MEGF10: variants seen among roughly 807,000 people sequenced by gnomAD.
The protein encoded by MEGF10 is multiple epidermal growth factor-like domains protein 10.
Under a neutral mutation model 147.5 loss-of-function variants are expected in MEGF10, and 86 were observed. The ratio of observed to expected loss-of-function variants is 0.58; its 90% CI spans 0.49 to 0.70. MEGF10 has a LOEUF of 0.70. Among genes scored for constraint, MEGF10 ranks in the 30% least tolerant of loss-of-function variants. The probability of loss-of-function intolerance (pLI) is 0.00; values close to 1 mark genes in which losing one functional copy is unlikely to be tolerated. For synonymous variants in MEGF10, 478 were observed against 525.5 expected, an observed-to-expected ratio of 0.91 and a Z score of 1.24; for missense variants, 1,329 against 1,487.3, an observed-to-expected ratio of 0.89 and a Z score of 1.75.
At chr5:127,325,543 C>T (rs1398131021) in intron 1 of MEGF10, among the ~76,000 whole-genome samples, 1 of 152,046 alleles carries the variant, frequency 6.6e-6, no homozygotes, top group Non-Finnish European at 1.5e-5. Context: ...GTAGGTAGGG[C>T]CACGTCTCTG....
chr5:127,359,490 A>G (rs78699609), intron 4 of MEGF10, among the ~76,000 whole-genome samples: 2,647 of 152,254 alleles, frequency 0.017, 65 homozygotes, highest in Middle Eastern at 0.095. Context: ...GTGAACCTAT[A>G]CATCACATAC....
intron 4 of MEGF10, among the ~76,000 whole-genome samples, chr5:127,342,019 G>A (rs966042416): frequency 1.3e-5 from 2 of 152,182 alleles, no homozygotes; most frequent in African/African-American, 4.8e-5. Context: ...ATACCCACCA[G>A]CAGTAAATGA....
Position 127,459,403 on chromosome 5 carries a change from C to T in MEGF10, c.*2085C>T, listed in dbSNP as rs535160870. ...TAGTTAACCACTGGCTGGCTCCCAA[C>T]TCTAGGTGATAGGCATCTAATTGAG... On this transcript the variant is annotated 3_prime_UTR_variant, in exon 25 of 25. Transcript: ENST00000503335. The T allele has an allele frequency of 6.6e-6, 1 of 152,302 alleles. No homozygotes were observed. Among genetic ancestry groups the T allele is most frequent in the African/African-American group, 2.4e-5 (1 of 41,548 alleles). The allele number at this position is 152,302 out of a possible 1,614,324, so 9.4% of individuals were successfully genotyped here.
chr5:127,457,145 G>T lies in MEGF10; in HGVS notation c.3250G>T (p.Val1084Phe). ...TATCACAGAACCTACAGTGAGTGTT[G>T]TCCAAGGAGTATTCAGCAATAATGG... ...VYEVEPTVSV[V>F]QGVFSNNGRL... is the part of the protein sequence containing the mutation. Residue 1084 changes from valine to phenylalanine, a missense_variant, in exon 25 of 25, where the codon GTC (valine) becomes TTC (phenylalanine). This residue lies in a region of MEGF10 where 343 missense variants were observed against 377.9 expected (regional missense o/e 0.91). Transcript: ENST00000503335. 6.2e-7 allele frequency: 1 copy of T among 1,613,302 alleles called. No homozygotes were observed. The highest frequency in any genetic ancestry group is 1.1e-5 in the South Asian group (1 of 90,814).
chr5:127,344,220 T>C (rs1171233185), intron 4 of MEGF10, among the ~76,000 whole-genome samples: 1 of 152,202 alleles, frequency 6.6e-6, no homozygotes, highest in Non-Finnish European at 1.5e-5. Context: ...AGACATACTT[T>C]CTGCCATCAA....
chr5:127,369,776 A>G (rs1246138867), intron 4 of MEGF10, 134 bp from the exon 5 acceptor site: 1 of 597,418 alleles, frequency 1.7e-6, no homozygotes, highest in East Asian at 3.1e-5. Flanking sequence ...GGGCTGAGGA[A>G]CGGACTGAAG....
At chr5:127,273,818 G>A in the MEGF10 span, among the ~76,000 whole-genome samples, 1 of 152,210 alleles carries the variant, frequency 6.6e-6, no homozygotes, top group Non-Finnish European at 1.5e-5. Context: ...ACCTACTTAT[G>A]TACAGGCAGC....
chr5:127,259,117 T>C, the MEGF10 span, among the ~76,000 whole-genome samples: 8 of 152,174 alleles, frequency 5.3e-5, 1 homozygote, highest in African/African-American at 4.8e-5. Flanking sequence ...CAGATGAGAA[T>C]AGGCAGCAGA....
chr5:127,455,165 A>G (rs1766312054), intron 23 of MEGF10, among the ~76,000 whole-genome samples: 2 of 152,224 alleles, frequency 1.3e-5, no homozygotes, highest in Admixed American at 1.3e-4. Flanking sequence ...GATCATAAAA[A>G]TGAAATCAGT....
intron 4 of MEGF10, among the ~76,000 whole-genome samples, chr5:127,368,000 T>C (rs1762718793): frequency 1.3e-5 from 2 of 152,150 alleles, no homozygotes; most frequent in South Asian, 4.1e-4. Context: ...CACACTCAAG[T>C]ATGGTAGTTT....
At chr5:127,321,149 G>T (rs1561569468) in intron 1 of MEGF10, among the ~76,000 whole-genome samples, 1 of 152,176 alleles carries the variant, frequency 6.6e-6, no homozygotes, top group Non-Finnish European at 1.5e-5. Context: ...CTGGGTTCTA[G>T]TGTTGAGCCA....
the MEGF10 span, among the ~76,000 whole-genome samples, chr5:127,265,172 G>GT: frequency 2.0e-5 from 3 of 152,036 alleles, no homozygotes; most frequent in African/African-American, 7.2e-5. Flanking sequence ...GCAGTGTTTG[G>GT]TTTTTTGTTC....
At chr5:127,249,582 T>C in the MEGF10 span, among the ~76,000 whole-genome samples, 2 of 151,912 alleles carry the variant, frequency 1.3e-5, no homozygotes, top group Non-Finnish European at 2.9e-5. Flanking sequence ...GTACTAAATA[T>C]TACAATTATG....
chr5:127,230,462 G>C, the MEGF10 span, among the ~76,000 whole-genome samples: 1 of 152,268 alleles, frequency 6.6e-6, no homozygotes, highest in African/African-American at 2.4e-5. Context: ...CCCAGGGAGG[G>C]AAGGACACAA....
chr5:127,343,182 CTGTTTCCAG>C (rs989824161), intron 4 of MEGF10, among the ~76,000 whole-genome samples: 3 of 152,254 alleles, frequency 2.0e-5, no homozygotes, highest in Non-Finnish European at 2.9e-5. Flanking sequence ...CCTTTCTTAA[CTGTTTCCAG>C]TCACCAAGAT....
intron 1 of MEGF10, among the ~76,000 whole-genome samples, chr5:127,310,797 G>T (rs1435071944): frequency 6.6e-6 from 1 of 152,188 alleles, no homozygotes; most frequent in Non-Finnish European, 1.5e-5. Context: ...AGAAAGGGCA[G>T]GTTTCAGAAT....
Position 127,457,437 on chromosome 5 carries a change from G to T in MEGF10, c.*119G>T. The T allele has an allele frequency of 8.9e-7, 1 of 1,127,288 alleles. No homozygotes were observed. Among genetic ancestry groups the T allele is most frequent in the East Asian group, 2.6e-5 (1 of 38,778 alleles). 69.8% of individuals were successfully genotyped at this position (1,127,288 alleles called of 1,614,324 possible). A position where few individuals can be genotyped will look rare whatever the true frequency, so the allele number is the denominator to read the frequency against. ...TAGTCAATTCGGTGGGCAATTTTTGGACATGAACCAGAAAGCTGAAAGCTG... is the reference window on the plus strand; with the variant it reads ...TAGTCAATTCGGTGGGCAATTTTTGTACATGAACCAGAAAGCTGAAAGCTG... On this transcript the variant is annotated 3_prime_UTR_variant, in exon 25 of 25. Transcript: ENST00000503335.
intron 1 of MEGF10, among the ~76,000 whole-genome samples, chr5:127,315,980 C>G (rs1760531840): frequency 6.6e-6 from 1 of 152,142 alleles, no homozygotes. Flanking sequence ...AGGGTATATT[C>G]CCACACATTG....
At chr5:127,273,347 T>C in the MEGF10 span, among the ~76,000 whole-genome samples, 8 of 152,126 alleles carry the variant, frequency 5.3e-5, no homozygotes, top group African/African-American at 1.9e-4. Context: ...CGCTGCTGCA[T>C]GTCGAAAAAA....
Sources: gnomAD v4.1 joint callset for allele counts (sites outside exome capture counted in the v4.1 genomes callset) on GRCh38, gnomAD v4.1.1 for gene constraint, gnomAD v4.1.1 regional missense constraint, MANE v1.5 for transcripts, NCBI Gene and HGNC (gene_info 2026-07-23, HGNC 2026-07-21) for gene names.